TOX: variants seen among roughly 807,000 people sequenced by gnomAD.
The protein encoded by TOX is thymocyte selection associated high mobility group box, also known as thymocyte selection-associated high mobility group box protein TOX.
A neutral mutation model predicts 53.7 loss-of-function variants in TOX; 11 were observed. That is an observed-to-expected ratio of 0.20 (90% CI 0.13 to 0.34). The LOEUF (loss-of-function observed/expected upper bound fraction) is 0.34. Ranked by LOEUF, TOX falls within the 10% of genes least tolerant of loss-of-function variation. TOX has a pLI of 1.00. For synonymous variants in TOX, 225 were observed against 245.3 expected, an observed-to-expected ratio of 0.92 and a Z score of 0.77; for missense variants, 570 against 664.6, an observed-to-expected ratio of 0.86 and a Z score of 1.56.
intron 6 of TOX, among the ~76,000 whole-genome samples, chr8:58,816,819 G>A (rs991657909): frequency 1.1e-4 from 17 of 152,080 alleles, no homozygotes; most frequent in Non-Finnish European, 1.3e-4. Context: ...ATGCACCACC[G>A]GGCAACCCAC....
intron 1 of TOX, among the ~76,000 whole-genome samples, chr8:59,102,549 C>T (rs1804824812): frequency 6.6e-6 from 1 of 151,982 alleles, no homozygotes; most frequent in African/African-American, 2.4e-5. Context: ...TTTTTAAAAC[C>T]ATCAGAACTC....
intron 3 of TOX, among the ~76,000 whole-genome samples, chr8:58,875,995 G>C (rs1233769390): frequency 6.6e-6 from 1 of 152,160 alleles, no homozygotes; most frequent in Non-Finnish European, 1.5e-5. Flanking sequence ...TCAGATCCTA[G>C]ATTACTTTTC....
chr8:58,842,763 T>C (rs760884166), intron 4 of TOX, among the ~76,000 whole-genome samples: 1 of 152,184 alleles, frequency 6.6e-6, no homozygotes, highest in Non-Finnish European at 1.5e-5. Context: ...GGCTCAATCA[T>C]ATGAAAACCA....
At chr8:59,014,121 A>T (rs953889989) in intron 1 of TOX, among the ~76,000 whole-genome samples, 5 of 152,260 alleles carry the variant, frequency 3.3e-5, no homozygotes, top group Admixed American at 6.5e-5. Flanking sequence ...ATCTTTAAAG[A>T]GTGCTATTTA....
intron 1 of TOX, among the ~76,000 whole-genome samples, chr8:58,999,460 G>A (rs768906365): frequency 6.6e-6 from 1 of 152,154 alleles, no homozygotes; most frequent in South Asian, 2.1e-4. Context: ...AAATACAAGG[G>A]TTGAAAGGGT....
chr8:59,010,582 G>A (rs1246828953), intron 1 of TOX, among the ~76,000 whole-genome samples: 1 of 152,158 alleles, frequency 6.6e-6, no homozygotes, highest in Non-Finnish European at 1.5e-5. Context: ...TGTATCACCT[G>A]ATCATTGTAT....
chr8:58,849,635 A>G (rs1810775789), intron 4 of TOX, among the ~76,000 whole-genome samples: 1 of 152,176 alleles, frequency 6.6e-6, no homozygotes, highest in Non-Finnish European at 1.5e-5. Context: ...GACTGTGAAA[A>G]ATGTTATTGT....
intron 1 of TOX, among the ~76,000 whole-genome samples, chr8:59,060,974 G>A (rs1803974443): frequency 6.6e-6 from 1 of 152,070 alleles, no homozygotes; most frequent in Non-Finnish European, 1.5e-5. Flanking sequence ...AAATACAATC[G>A]ATCTTTTCCT....
At chr8:58,981,272 C>T (rs1469537586) in intron 1 of TOX, among the ~76,000 whole-genome samples, 1 of 152,130 alleles carries the variant, frequency 6.6e-6, no homozygotes, top group Admixed American at 6.6e-5. Context: ...TCCCAATTAC[C>T]TTTAATCCCT....
chr8:58,826,354 G>A (rs826729), intron 6 of TOX, among the ~76,000 whole-genome samples: 109,524 of 152,112 alleles, frequency 0.72, 40,279 homozygotes, highest in East Asian at 0.9. Flanking sequence ...AGATATTCTA[G>A]ATCACTAAAT....
intron 1 of TOX, among the ~76,000 whole-genome samples, chr8:59,114,075 C>T (rs1805062915): frequency 6.6e-6 from 1 of 152,068 alleles, no homozygotes; most frequent in South Asian, 2.1e-4. Flanking sequence ...CCCAGGAAAC[C>T]ACCCCTAAAA....
At chr8:58,969,594 G>A (rs1812965320) in intron 1 of TOX, among the ~76,000 whole-genome samples, 1 of 151,734 alleles carries the variant, frequency 6.6e-6, no homozygotes, top group African/African-American at 2.4e-5. Flanking sequence ...CATTGCTTTA[G>A]TTTAAGGCTT....
At chr8:59,043,201 C>CTCTG (rs1554541592) in intron 1 of TOX, among the ~76,000 whole-genome samples, 147 of 147,994 alleles carry the variant, frequency 9.9e-4, no homozygotes, top group African/African-American at 3.2e-3. Flanking sequence ...ACTTTCTTTT[C>CTCTG]TGTGTGTGTG....
At chr8:58,824,586 C>T (rs1810336724) in intron 6 of TOX, among the ~76,000 whole-genome samples, 1 of 152,218 alleles carries the variant, frequency 6.6e-6, no homozygotes, top group Non-Finnish European at 1.5e-5. Flanking sequence ...TCTACAAGCT[C>T]CTGTCTTCCT....
At chr8:59,040,542 T>G (rs186656944) in intron 1 of TOX, among the ~76,000 whole-genome samples, 2 of 152,326 alleles carry the variant, frequency 1.3e-5, no homozygotes, top group Admixed American at 1.3e-4. Flanking sequence ...CACTAATCAT[T>G]AGTTAAATAA....
intron 2 of TOX, among the ~76,000 whole-genome samples, chr8:58,954,799 A>T (rs1394189816): frequency 1.3e-5 from 2 of 152,224 alleles, no homozygotes; most frequent in Non-Finnish European, 2.9e-5. Flanking sequence ...TTTGGAATTA[A>T]CCAAAGGCAG....
intron 1 of TOX, among the ~76,000 whole-genome samples, chr8:59,013,640 G>A (rs826596): frequency 0.56 from 85,540 of 151,938 alleles, 25,742 homozygotes; most frequent in South Asian, 0.65. Context: ...TGAACTCCTG[G>A]CCTCGTGATC....
At position 58,869,307 on chromosome 8, in the gene TOX, G is replaced by T. The variant is rs186120380; in HGVS notation, c.412-17502C>A. ...CAAATTTGAGAAGTCAAATGAAGTG[G>T]AACAATTCCTTAAAATTCAACAACT... is the stretch of plus-strand genomic sequence containing the variant. On this transcript the variant is annotated intron_variant, in intron 3 of 8. Transcript: ENST00000361421. Among the ~76,000 whole-genome samples the T allele has an allele frequency of 1.4e-3, 213 of 151,582 alleles. 1 individual carries two copies. The highest frequency in any genetic ancestry group is 4.9e-3 in the African/African-American group (204 of 41,358).
chr8:59,118,880 G>A lies in TOX; in HGVS notation c.102+6C>T. 1 of 1,578,414 alleles carries A rather than the reference G, an allele frequency of 6.3e-7. No homozygotes were observed. The highest frequency in any genetic ancestry group is 8.6e-7 in the Non-Finnish European group (1 of 1,159,906). The stretch of plus-strand genomic sequence containing the variant: ...AACACGGTGGAAACAAAAGCAGAGC[G>A]TTCACCTTGTTGCAATAGTAGGGGT... On this transcript the variant is annotated splice_donor_region_variant and intron_variant, in intron 1 of 8. Transcript: ENST00000361421. The surrounding 1 kb of genome is among the most constrained non-coding windows in gnomAD (Gnocchi z 4.1).
Sources: allele counts gnomAD v4.1 joint callset (sites outside exome capture counted in the v4.1 genomes callset), GRCh38; gene constraint gnomAD v4.1.1; non-coding constraint Gnocchi (gnomAD v3.1); transcripts MANE v1.5; gene names NCBI Gene and HGNC (gene_info 2026-07-23, HGNC 2026-07-21).